The following ZSCAN5A variants were observed in gnomAD, a reference collection of about 807,000 sequenced individuals.
The protein encoded by ZSCAN5A is zinc finger and SCAN domain containing 5A.
ZSCAN5A carries 12 observed loss-of-function variants against 23.7 expected under a neutral mutation model. The ratio of observed to expected loss-of-function variants is 0.51; its 90% CI spans 0.32 to 0.82. ZSCAN5A has a LOEUF of 0.82. Among genes scored for constraint, ZSCAN5A ranks in the 40% least tolerant of loss-of-function variants. ZSCAN5A has a pLI of 0.03. For missense variants in ZSCAN5A, 597 were observed against 617.9 expected, an observed-to-expected ratio of 0.97 and a Z score of 0.36; for synonymous variants, 257 against 239.9, an observed-to-expected ratio of 1.07 and a Z score of -0.66.
At chr19:56,281,691 A>G in intron 2 of ZSCAN5A, 1 of 985,348 alleles carries the variant, frequency 1.0e-6, no homozygotes, top group Non-Finnish European at 1.2e-6. Context: ...TGCCCCTTCC[A>G]GTCAACTGTA....
chr19:56,330,689 C>G (rs1014994610), intron 2 of ZSCAN5A, among the ~76,000 whole-genome samples: 3 of 152,006 alleles, frequency 2.0e-5, no homozygotes, highest in African/African-American at 7.2e-5. Context: ...TTTATTTTTG[C>G]TTGTTTAGTT....
At chr19:56,340,253 T>C (rs1294864967) in intron 2 of ZSCAN5A, among the ~76,000 whole-genome samples, 1 of 152,060 alleles carries the variant, frequency 6.6e-6, no homozygotes, top group Non-Finnish European at 1.5e-5. Flanking sequence ...AAGGAATCAT[T>C]TGAAAGCCCC....
chr19:56,266,851 TC>T (rs1427761946), intron 2 of ZSCAN5A: 1 of 152,232 alleles, frequency 6.6e-6, no homozygotes, highest in Non-Finnish European at 1.5e-5. Context: ...AGAGGAATGT[TC>T]CTGGTTTGTG....
At chr19:56,320,122 TA>T (rs2041359663) in intron 2 of ZSCAN5A, 1 of 762,222 alleles carries the variant, frequency 1.3e-6, no homozygotes, top group Admixed American at 1.7e-5. Flanking sequence ...AGCCATCTGT[TA>T]ACTGTTCTGA....
chr19:56,270,402 G>C (rs1342820113), intron 2 of ZSCAN5A, among the ~76,000 whole-genome samples: 2 of 152,122 alleles, frequency 1.3e-5, no homozygotes, highest in African/African-American at 4.8e-5. Context: ...CTGGGCGACA[G>C]GGTGAGACCC....
rs564050278 is a variant in ZSCAN5A, at chr19:56,329,414, T to TA, written c.-357-13147dup. ...ACTAAATAAAAATGAAGTTACAACT[T>TA]ACCAGATTTGTAGGATGAAGCAAAA... On this transcript the variant is annotated intron_variant, in intron 2 of 6. Coordinates refer to the ZSCAN5A transcript ENST00000587340. Among the ~76,000 whole-genome samples the TA allele has an allele frequency of 1.3e-4, 20 of 152,106 alleles. No individual in the cohort carries two copies. The East Asian group carries it at 3.9e-3, about 29-fold the overall frequency.
chr19:56,282,648 A>G (rs2038800988), intron 2 of ZSCAN5A: 1 of 295,486 alleles, frequency 3.4e-6, no homozygotes, highest in Non-Finnish European at 5.0e-6. Flanking sequence ...CAAGTGTGGA[A>G]TTGTCCTTTG....
At chr19:56,265,185 T>C (rs919860105) in intron 2 of ZSCAN5A, among the ~76,000 whole-genome samples, 1 of 151,708 alleles carries the variant, frequency 6.6e-6, no homozygotes, top group African/African-American at 2.4e-5. Flanking sequence ...ATGGAAGGAT[T>C]TGGAGTAGGG....
intron 2 of ZSCAN5A, among the ~76,000 whole-genome samples, chr19:56,290,398 A>G (rs2039432716): frequency 6.6e-6 from 1 of 152,216 alleles, no homozygotes; most frequent in African/African-American, 2.4e-5. Context: ...CAAAGCCTAC[A>G]CTATTTACTG....
intron 2 of ZSCAN5A, among the ~76,000 whole-genome samples, chr19:56,281,208 C>T (rs144271739): frequency 9.4e-4 from 143 of 152,176 alleles, no homozygotes; most frequent in African/African-American, 3.3e-3. Context: ...TCCTTGTCAT[C>T]TTCACAATGA....
At chr19:56,328,473 A>C (rs1429153545) in intron 2 of ZSCAN5A, among the ~76,000 whole-genome samples, 2 of 150,780 alleles carry the variant, frequency 1.3e-5, no homozygotes, top group Admixed American at 6.6e-5. Context: ...GTGAAACCCC[A>C]TCTCTACTAA....
intron 2 of ZSCAN5A, among the ~76,000 whole-genome samples, chr19:56,300,711 A>AT (rs1159287096): frequency 2.0e-5 from 3 of 151,760 alleles, no homozygotes; most frequent in Non-Finnish European, 4.4e-5. Flanking sequence ...GGGAGAATTC[A>AT]TTTTTTTTCG....
chr19:56,254,501 C>T (rs2036567090), intron 2 of ZSCAN5A, among the ~76,000 whole-genome samples: 4 of 152,150 alleles, frequency 2.6e-5, no homozygotes, highest in Admixed American at 2.6e-4. Context: ...TTTATCTATT[C>T]CTTCAGTGAA....
intron 2 of ZSCAN5A, among the ~76,000 whole-genome samples, chr19:56,278,884 C>T (rs1308423407): frequency 6.6e-6 from 1 of 152,158 alleles, no homozygotes; most frequent in Non-Finnish European, 1.5e-5. Flanking sequence ...AAGAATTGAC[C>T]CTTACTCCAC....
At chr19:56,264,334 A>C (rs1008072859) in intron 2 of ZSCAN5A, among the ~76,000 whole-genome samples, 1 of 152,142 alleles carries the variant, frequency 6.6e-6, no homozygotes, top group African/African-American at 2.4e-5. Context: ...GTAAGGGAGT[A>C]GCAGGATTGG....
At chr19:56,359,174 G>A (rs980950874) in intron 2 of ZSCAN5A, among the ~76,000 whole-genome samples, 1 of 151,000 alleles carries the variant, frequency 6.6e-6, no homozygotes, top group African/African-American at 2.4e-5. Flanking sequence ...AAAATAGATA[G>A]ACCATTAGCT....
intron 2 of ZSCAN5A, among the ~76,000 whole-genome samples, chr19:56,273,649 C>T (rs914274478): frequency 3.3e-5 from 5 of 152,108 alleles, no homozygotes; most frequent in Non-Finnish European, 7.3e-5. Context: ...GCAGAAGGCA[C>T]TGAGTCCCTC....
chr19:56,333,856 A>ATATATAT (rs1555812269), intron 2 of ZSCAN5A, among the ~76,000 whole-genome samples: 1 of 150,158 alleles, frequency 6.7e-6, no homozygotes, highest in African/African-American at 2.4e-5. Context: ...GAAAAAGAAA[A>ATATATAT]ATATATATAT....
chr19:56,222,173 T>A lies in ZSCAN5A; in HGVS notation c.893A>T (p.Lys298Ile). Residue 298 changes from lysine to isoleucine, a missense_variant, in exon 6 of 6, where the codon AAA becomes ATA. By Grantham distance (102) the Lys-to-Ile change is moderately radical. Coordinates refer to ENST00000683990, the MANE Select transcript of ZSCAN5A (RefSeq NM_001322064.3). ...RGDALNLSSP[K>I]RSKPDASSIS... is the part of the protein sequence containing the mutation. ...GGAGGAGGCATCTGGTTTGCTTCTT[T>A]TGGGACTGCTCAGATTCAGAGCGTC... 6.2e-7 allele frequency: 1 copy of A among 1,614,090 alleles called. No individual in the cohort carries two copies. The highest frequency in any genetic ancestry group is 1.1e-5 in the South Asian group (1 of 91,078).
Sources: allele counts gnomAD v4.1 joint callset (sites outside exome capture counted in the v4.1 genomes callset), GRCh38; gene constraint gnomAD v4.1.1; transcripts MANE v1.5; gene names NCBI Gene and HGNC (gene_info 2026-07-23, HGNC 2026-07-21).